Variants in IPO8 observed in about 807,000 individuals in gnomAD.
The protein encoded by IPO8 is importin 8, also known as importin-8.
Under a neutral mutation model 141.2 loss-of-function variants are expected in IPO8, and 65 were observed. The ratio of observed to expected loss-of-function variants is 0.46; its 90% CI spans 0.38 to 0.57. The LOEUF is 0.57. Among genes scored for constraint, IPO8 ranks in the 20% least tolerant of loss-of-function variants. The pLI is 0.00. For missense variants in IPO8, 980 were observed against 1,246.8 expected, an observed-to-expected ratio of 0.79 and a Z score of 3.22; for synonymous variants, 411 against 420.3, an observed-to-expected ratio of 0.98 and a Z score of 0.27.
intron 16 of IPO8, among the ~76,000 whole-genome samples, chr12:30,656,976 T>C (rs966104319): frequency 2.6e-5 from 4 of 152,120 alleles, no homozygotes; most frequent in African/African-American, 9.7e-5. Flanking sequence ...CCTTACCATA[T>C]ATTTTATACC....
chr12:30,651,251 GAATCATTAC>G (rs1213201088), intron 19 of IPO8, among the ~76,000 whole-genome samples: 1 of 152,100 alleles, frequency 6.6e-6, no homozygotes, highest in East Asian at 1.9e-4. Context: ...AGAGGTAAAT[GAATCATTAC>G]AACTCACAGT....
chr12:30,670,741 A>C (rs892718904), intron 9 of IPO8, among the ~76,000 whole-genome samples: 5 of 152,228 alleles, frequency 3.3e-5, no homozygotes, highest in African/African-American at 7.2e-5. Context: ...GATCAAGTGA[A>C]TCCAGGTCTC....
At chr12:30,655,724 T>C (rs1353952744) in intron 17 of IPO8, among the ~76,000 whole-genome samples, 2 of 152,236 alleles carry the variant, frequency 1.3e-5, no homozygotes, top group Non-Finnish European at 2.9e-5. Flanking sequence ...ATATCTACCA[T>C]GTTATATTCA....
intron 19 of IPO8, among the ~76,000 whole-genome samples, chr12:30,650,138 CAA>C (rs1417193101): frequency 9.9e-5 from 15 of 151,404 alleles, no homozygotes; most frequent in Admixed American, 3.3e-4. Context: ...CAAATACAGA[CAA>C]AAGACAGATT....
rs1042821262 is a variant in IPO8, at chr12:30,695,658, G to A, written c.-11C>T. 6.2e-7 allele frequency: 1 copy of A among 1,612,300 alleles called. No individual in the cohort carries two copies. Among genetic ancestry groups the A allele is most frequent in the African/African-American group, 1.3e-5 (1 of 74,884 alleles). ...CCGGTTGAGGTCCATCTCCCCGGGT[G>A]GGGGCTCCGCGGCCCCCGGAACAGT... On this transcript the variant is annotated 5_prime_UTR_variant, in exon 1 of 25. Coordinates refer to ENST00000256079, the MANE Select transcript of IPO8 (RefSeq NM_006390.4). This position sits in a 1 kb window ranked among gnomAD's most constrained non-coding sequence, Gnocchi z 4.2.
chr12:30,646,577 A>G (rs943366981), intron 20 of IPO8, among the ~76,000 whole-genome samples: 1 of 152,210 alleles, frequency 6.6e-6, no homozygotes, highest in Admixed American at 6.5e-5. Context: ...GATCCTGTTT[A>G]CAGAAAATTC....
chr12:30,656,012 A>C (rs970078913), intron 17 of IPO8, among the ~76,000 whole-genome samples: 4 of 152,182 alleles, frequency 2.6e-5, no homozygotes, highest in Non-Finnish European at 5.9e-5. Flanking sequence ...TCTACTCAGA[A>C]GTCAGGTACC....
chr12:30,676,880 G>C lies in IPO8; in HGVS notation c.640-293C>G, dbSNP rs1166844030. On this transcript the variant is annotated intron_variant, in intron 5 of 24. Transcript: ENST00000256079. The stretch of plus-strand genomic sequence containing the variant: ...ATTCAGCATGAGATTCTAAGTGAGT[G>C]ATTTTTATGACTTACCCCTTTGAGG... 4 of 1,455,406 alleles carry C rather than the reference G, an allele frequency of 2.7e-6. No homozygotes were observed. In the South Asian group the frequency reaches 4.9e-5, roughly 18 times the overall value. 90.2% of individuals were successfully genotyped at this position (1,455,406 alleles called of 1,614,324 possible). A position where few individuals can be genotyped will look rare whatever the true frequency, so the allele number is the denominator to read the frequency against.
rs750009384 is a variant in IPO8, at chr12:30,669,245, T to C, written c.1082A>G (p.Tyr361Cys). ...CCACAGCTCTTCATCCTCATCTTTA[T>C]AACACATCACAGAAAAAATCACATC... ...SEDVIFSVMC[Y>C]KDEDEELWQE... is the part of the protein sequence containing the mutation. Residue 361 changes from tyrosine to cysteine, a missense_variant, in exon 10 of 25, where the codon TAT becomes TGT. Physicochemically the swap from Tyr to Cys is radical, Grantham distance 194. Around this residue, in one of 3 missense-constraint regions of IPO8, gnomAD observed 924 missense variants for 1,153.9 expected, o/e 0.80. Coordinates refer to ENST00000256079, the MANE Select transcript of IPO8 (RefSeq NM_006390.4). The C allele has an allele frequency of 6.3e-7, 1 of 1,588,112 alleles. No homozygotes were observed. Among genetic ancestry groups the C allele is most frequent in the South Asian group, 1.1e-5 (1 of 89,482 alleles).
At chr12:30,637,931 C>A (rs2052524761) in intron 21 of IPO8, among the ~76,000 whole-genome samples, 2 of 152,162 alleles carry the variant, frequency 1.3e-5, no homozygotes, top group African/African-American at 4.8e-5. Flanking sequence ...TATAACAAAT[C>A]CAATAATGAA....
At chr12:30,641,480 A>T (rs2136129397) in intron 20 of IPO8, among the ~76,000 whole-genome samples, 1 of 145,500 alleles carries the variant, frequency 6.9e-6, no homozygotes. Flanking sequence ...GTTACCAAAA[A>T]ATTAAGCTAT....
chr12:30,689,222 A>C (rs1419986569), intron 2 of IPO8, among the ~76,000 whole-genome samples: 2 of 152,120 alleles, frequency 1.3e-5, no homozygotes, highest in African/African-American at 2.4e-5. Flanking sequence ...GTGTTTTTCT[A>C]ATGTTTCCAT....
Position 30,652,045 on chromosome 12 carries a change from C to A in IPO8, c.2172+147G>T, listed in dbSNP as rs1050812532. ...TATGAAACTTTCAAATCCCAAAGAT[C>A]CTTTTGAAAATACAAATGAAAAAAT... On this transcript the variant is annotated intron_variant, in intron 19 of 24. Coordinates refer to ENST00000256079, the MANE Select transcript of IPO8 (RefSeq NM_006390.4). 1.8e-4 allele frequency: 90 copies of A among 508,200 alleles called. No homozygotes were observed. The African/African-American group carries it at 1.8e-3, about 10-fold the overall frequency. The allele number at this position is 508,200 out of a possible 1,614,324, so 31.5% of individuals were successfully genotyped here.
chr12:30,664,149 ACT>A (rs988647572), intron 13 of IPO8, among the ~76,000 whole-genome samples: 1 of 152,092 alleles, frequency 6.6e-6, no homozygotes, highest in East Asian at 1.9e-4. Context: ...ATTATATTTT[ACT>A]CTCTGTGTGC....
At chr12:30,637,275 G>T in intron 21 of IPO8, 88 bp from the exon 22 acceptor site, 1 of 958,228 alleles carries the variant, frequency 1.0e-6, no homozygotes, top group Non-Finnish European at 1.7e-6. Context: ...AAATGTCCAA[G>T]GCATACTCTA....
chr12:30,629,971 T>A lies in IPO8; in HGVS notation c.*889A>T, dbSNP rs2052408148. 1 of 152,320 alleles carries A rather than the reference T, an allele frequency of 6.6e-6. No individual in the cohort carries two copies. 9.4% of individuals were successfully genotyped at this position (152,320 alleles called of 1,614,324 possible). On this transcript the variant is annotated 3_prime_UTR_variant, in exon 25 of 25. Coordinates refer to ENST00000256079, the MANE Select transcript of IPO8 (RefSeq NM_006390.4). ...ACAGTGTGCTTACGTAGCACCTGTCTCTTAGAAGTTCAATGTGCTTTAGGT... is the reference window on the plus strand; with the variant it reads ...ACAGTGTGCTTACGTAGCACCTGTCACTTAGAAGTTCAATGTGCTTTAGGT...
At chr12:30,684,260 T>G (rs1565510220) in intron 3 of IPO8, 41 bp downstream of exon 3, 1 of 1,591,794 alleles carries the variant, frequency 6.3e-7, no homozygotes, top group Non-Finnish European at 8.6e-7. Flanking sequence ...ATCTAACCAT[T>G]TCATGCTTTC....
intron 17 of IPO8, among the ~76,000 whole-genome samples, chr12:30,656,165 TAGCTGGC>T (rs1174700659): frequency 2.6e-5 from 4 of 152,084 alleles, no homozygotes; most frequent in Admixed American, 1.3e-4. Context: ...GCCTACAGAG[TAGCTGGC>T]ACCACAGACA....
intron 21 of IPO8, among the ~76,000 whole-genome samples, chr12:30,637,495 C>A (rs1002326792): frequency 2.0e-5 from 3 of 152,018 alleles, no homozygotes; most frequent in Admixed American, 6.6e-5. Context: ...GCAGAAATAC[C>A]TATATTTGAC....
Sources: gnomAD v4.1 joint callset for allele counts (sites outside exome capture counted in the v4.1 genomes callset) on GRCh38, gnomAD v4.1.1 for gene constraint, gnomAD v4.1.1 regional missense constraint, Gnocchi (gnomAD v3.1) non-coding constraint, MANE v1.5 for transcripts, NCBI Gene and HGNC (gene_info 2026-07-23, HGNC 2026-07-21) for gene names.